Variants in MTUS1 observed in about 807,000 individuals in gnomAD.
MTUS1 encodes microtubule associated scaffold protein 1.
In MTUS1, 109 loss-of-function variants were observed where a neutral mutation model predicts 120.8. That is an observed-to-expected ratio of 0.90 (90% confidence interval 0.77 to 1.06). MTUS1 has a LOEUF of 1.06. Ranked by LOEUF, MTUS1 falls within the 50% of genes least tolerant of loss-of-function variation. MTUS1 has a pLI of 0.00. For missense variants in MTUS1, 2,210 were observed against 1,486.3 expected, an observed-to-expected ratio of 1.49 and a Z score of -8.01; for synonymous variants, 737 against 550.5, an observed-to-expected ratio of 1.34 and a Z score of -4.74.
At chr8:17,654,520 C>G (rs760491690) in intron 10 of MTUS1, 41 bp downstream of exon 10, 1 of 1,278,782 alleles carries the variant, frequency 7.8e-7, no homozygotes, top group South Asian at 1.2e-5. Context: ...GTGGTTCCTT[C>G]AGATTTTATT....
intron 6 of MTUS1, among the ~76,000 whole-genome samples, chr8:17,693,762 GCT>G (rs1185188838): frequency 1.3e-5 from 2 of 152,322 alleles, no homozygotes; most frequent in East Asian, 1.9e-4. Flanking sequence ...ATTAACTGGT[GCT>G]CTGTCTCCTT....
chr8:17,670,806 A>G (rs1263976766), intron 8 of MTUS1, among the ~76,000 whole-genome samples: 3 of 150,522 alleles, frequency 2.0e-5, no homozygotes, highest in Non-Finnish European at 2.9e-5. Context: ...CTGGCAACAG[A>G]GCAAGACCCT....
At position 17,755,586 on chromosome 8, in the gene MTUS1, A is replaced by C. The variant is rs749756026; in HGVS notation, c.222T>G (p.Leu74=). The change falls in exon 2 of 15, where the codon CTT becomes CTG. Residue 74 remains leucine (L), a synonymous_variant. Coordinates refer to ENST00000693296, the MANE Select transcript of MTUS1 (RefSeq NM_001363059.2). ...CATGACCAAATACTTCAACACCCTG[A>C]AGGCTTAAAGAAATATTTTCACCAG... is the stretch of plus-strand genomic sequence containing the variant. ...VVTGENISLS[L]QGVEVFGHEK... is the part of the protein sequence containing the mutation. 6.2e-6 allele frequency: 10 copies of C among 1,614,052 alleles called. No individual in the cohort carries two copies. The highest frequency in any genetic ancestry group is 7.6e-6 in the Non-Finnish European group (9 of 1,180,040).
intron 8 of MTUS1, among the ~76,000 whole-genome samples, chr8:17,668,045 G>A (rs953845860): frequency 6.6e-6 from 1 of 152,188 alleles, no homozygotes; most frequent in African/African-American, 2.4e-5. Flanking sequence ...TGTATAAAAA[G>A]ATGAGAGTTA....
intron 8 of MTUS1, among the ~76,000 whole-genome samples, chr8:17,664,655 C>G (rs1810498892): frequency 2.6e-5 from 4 of 152,084 alleles, no homozygotes. Context: ...ACTGTCACTT[C>G]TCTTGTGCCC....
chr8:17,662,137 G>C (rs143479948), intron 8 of MTUS1, among the ~76,000 whole-genome samples: 79 of 152,108 alleles, frequency 5.2e-4, no homozygotes, highest in African/African-American at 1.7e-3. Context: ...GAGATTTATG[G>C]TGCCACCTGT....
intron 1 of MTUS1, among the ~76,000 whole-genome samples, chr8:17,796,241 C>T (rs1394647389): frequency 6.1e-3 from 1 of 164 alleles, no homozygotes; most frequent in Non-Finnish European, 0.015. Context: ...AGCCACCACG[C>T]CCAGCCCCAA....
At position 17,763,053 on chromosome 8, in the gene MTUS1, G is replaced by A. The variant is rs574266863; in HGVS notation, c.-154-7092C>T. ...ATCCCCCAGGCTGGAGTGTAATGGC[G>A]CAATCTTGGCTCACTGCAACCTCCC... On this transcript the variant is annotated intron_variant, in intron 1 of 14. Coordinates refer to ENST00000693296, the MANE Select transcript of MTUS1 (RefSeq NM_001363059.2). 5.9e-4 allele frequency among the ~76,000 whole-genome samples: 90 copies of A among 151,400 alleles called. 1 individual carries two copies. Among genetic ancestry groups the A allele is most frequent in the African/African-American group, 2.0e-3 (84 of 41,288 alleles).
At chr8:17,712,595 T>C (rs1424368471) in intron 6 of MTUS1, among the ~76,000 whole-genome samples, 1 of 152,200 alleles carries the variant, frequency 6.6e-6, no homozygotes, top group African/African-American at 2.4e-5. Context: ...CACCTTGGCC[T>C]CCCAAAGTGC....
chr8:17,676,408 C>T (rs968467445), intron 7 of MTUS1: 8 of 700,162 alleles, frequency 1.1e-5, no homozygotes, highest in African/African-American at 7.0e-5. Flanking sequence ...ACCCACCAGT[C>T]GGGTCTGTCT....
chr8:17,760,251 T>G (rs888648177), intron 1 of MTUS1, among the ~76,000 whole-genome samples: 1 of 151,950 alleles, frequency 6.6e-6, no homozygotes, highest in Non-Finnish European at 1.5e-5. Flanking sequence ...AAATTTCAAA[T>G]TGGTGAGCAA....
intron 2 of MTUS1, among the ~76,000 whole-genome samples, chr8:17,753,040 C>T (rs1255688888): frequency 6.6e-6 from 1 of 152,190 alleles, no homozygotes; most frequent in Non-Finnish European, 1.5e-5. Flanking sequence ...ATATTTTAGA[C>T]AGGCGCTATG....
At chr8:17,686,735 T>G (rs1009369281) in intron 6 of MTUS1, among the ~76,000 whole-genome samples, 2 of 152,230 alleles carry the variant, frequency 1.3e-5, no homozygotes, top group African/African-American at 2.4e-5. Flanking sequence ...TTCAAGATTC[T>G]TGCTTTTTGC....
rs2048581360 is a variant in MTUS1, at chr8:17,756,012, G to GC, written c.-154-52dup. The GC allele has an allele frequency of 9.1e-6, 11 of 1,205,554 alleles. No homozygotes were observed. The South Asian group carries it at 2.0e-4, about 22-fold the overall frequency. 74.7% of individuals were successfully genotyped at this position (1,205,554 alleles called of 1,614,324 possible). On this transcript the variant is annotated intron_variant, in intron 1 of 14. Coordinates refer to ENST00000693296, the MANE Select transcript of MTUS1 (RefSeq NM_001363059.2). ...AAGTAACTATAAGAAAAATTAACAGGCCACCCCTTGGTTTCAATCACTAAG... is the reference window on the plus strand; with the variant it reads ...AAGTAACTATAAGAAAAATTAACAGGCCCACCCCTTGGTTTCAATCACTAAG...
rs114303016 is a variant in MTUS1 at position 17,697,539 on chromosome 8, A to T, written c.2624-12997T>A. 2.2e-4 allele frequency: 311 copies of T among 1,403,784 alleles called. 2 individuals are homozygous for T. The African/African-American group carries it at 4.2e-3, about 19-fold the overall frequency. 87.0% of individuals were successfully genotyped at this position (1,403,784 alleles called of 1,614,324 possible). A position where few individuals can be genotyped will look rare whatever the true frequency, so the allele number is the denominator to read the frequency against. On this transcript the variant is annotated intron_variant, in intron 6 of 14. Transcript: ENST00000693296. The stretch of plus-strand genomic sequence containing the variant: ...CCACCAGAGAGGCATAGAAGAAAAA[A>T]ATCCCCCAGGGCTGGCCAAGTGTTT...
chr8:17,761,515 G>A (rs2131380146), intron 1 of MTUS1, among the ~76,000 whole-genome samples: 1 of 152,282 alleles, frequency 6.6e-6, no homozygotes, highest in African/African-American at 2.4e-5. Flanking sequence ...ATAGCTGTGT[G>A]CCTTATTTCA....
At chr8:17,652,825 G>T (rs1807313874) in intron 12 of MTUS1, among the ~76,000 whole-genome samples, 1 of 147,198 alleles carries the variant, frequency 6.8e-6, no homozygotes, top group Non-Finnish European at 1.5e-5. Flanking sequence ...GACAGAGTGA[G>T]ACTCCCTCTC....
intron 5 of MTUS1, among the ~76,000 whole-genome samples, chr8:17,715,238 T>C (rs1437750218): frequency 6.6e-6 from 1 of 152,096 alleles, no homozygotes; most frequent in Non-Finnish European, 1.5e-5. Context: ...TTGGCCCCAC[T>C]GAGACAAAGC....
At chr8:17,683,116 C>CA (rs1377608528) in intron 7 of MTUS1, among the ~76,000 whole-genome samples, 3 of 151,882 alleles carry the variant, frequency 2.0e-5, no homozygotes, top group African/African-American at 7.3e-5. Flanking sequence ...ACTAAAAATA[C>CA]AAAAAACTAG....
Sources: gnomAD v4.1 joint callset for allele counts (sites outside exome capture counted in the v4.1 genomes callset) on GRCh38, gnomAD v4.1.1 for gene constraint, MANE v1.5 for transcripts, NCBI Gene and HGNC (gene_info 2026-07-23, HGNC 2026-07-21) for gene names.